CYRIA: variants seen among roughly 807,000 people sequenced by gnomAD.
The protein encoded by CYRIA is CYFIP related Rac1 interactor A, also known as CYFIP-related Rac1 interactor A.
A neutral mutation model predicts 43.9 loss-of-function variants in CYRIA; 15 were observed. That is an observed-to-expected ratio of 0.34 (90% CI 0.23 to 0.53). The LOEUF (loss-of-function observed/expected upper bound fraction) is 0.53. Ranked by LOEUF, CYRIA falls within the 20% of genes least tolerant of loss-of-function variation. The pLI is 0.94. For synonymous variants in CYRIA, 117 were observed against 136.0 expected (o/e 0.86, Z 0.97); for missense variants, 236 against 394.2 (o/e 0.60, Z 3.40).
At chr2:16,624,811 G>A (rs1669106790) in intron 1 of CYRIA, among the ~76,000 whole-genome samples, 1 of 152,176 alleles carries the variant, frequency 6.6e-6, no homozygotes, top group African/African-American at 2.4e-5. Flanking sequence ...GGCATACCAT[G>A]AGAATTGTAT....
intron 2 of CYRIA, among the ~76,000 whole-genome samples, chr2:16,615,253 C>T (rs1668740032): frequency 6.6e-6 from 1 of 152,210 alleles, no homozygotes; most frequent in Non-Finnish European, 1.5e-5. Flanking sequence ...TTGAGAACCA[C>T]TGCACTTGAC....
At chr2:16,651,369 T>C (rs755173792) in intron 1 of CYRIA, among the ~76,000 whole-genome samples, 2 of 152,256 alleles carry the variant, frequency 1.3e-5, no homozygotes, top group African/African-American at 2.4e-5. Context: ...TGCATGTTTG[T>C]AAAGCACCGC....
chr2:16,662,139 C>CA (rs1670274131), intron 1 of CYRIA, among the ~76,000 whole-genome samples: 1 of 151,982 alleles, frequency 6.6e-6, no homozygotes, highest in South Asian at 2.1e-4. Context: ...ATCTAGTGAG[C>CA]AATAATTTGA....
intron 1 of CYRIA, among the ~76,000 whole-genome samples, chr2:16,642,622 T>G (rs1019392605): frequency 2.9e-4 from 44 of 150,356 alleles, no homozygotes. Flanking sequence ...GCAGCACCCT[T>G]CATCAGACTC....
Position 16,593,444 on chromosome 2 carries a change from A to T in CYRIA, c.-10-5315T>A, listed in dbSNP as rs145511332. ...ATTATTAGAGATTGGAAAACTAAGA[A>T]TTATTAAAATTCAGTGTAGAAGCTG... On this transcript the variant is annotated intron_variant, in intron 2 of 11. Coordinates refer to ENST00000381323, the MANE Select transcript of CYRIA (RefSeq NM_030797.4). Among the ~76,000 whole-genome samples the T allele has an allele frequency of 4.9e-3, 752 of 152,286 alleles. 11 individuals carry two copies. Among genetic ancestry groups the T allele is most frequent in the African/African-American group, 0.017 (719 of 41,556 alleles).
chr2:16,638,688 G>A (rs1669577643), intron 1 of CYRIA, among the ~76,000 whole-genome samples: 1 of 152,172 alleles, frequency 6.6e-6, no homozygotes, highest in South Asian at 2.1e-4. Flanking sequence ...ACTTGTAAAG[G>A]AATCTGCATT....
intron 3 of CYRIA, among the ~76,000 whole-genome samples, chr2:16,586,591 C>T (rs1363692567): frequency 6.7e-6 from 1 of 150,298 alleles, no homozygotes; most frequent in African/African-American, 2.5e-5. Context: ...TCAGAACATA[C>T]AAGCTTTGGG....
At chr2:16,566,090 G>A (rs1666922842) in intron 3 of CYRIA, among the ~76,000 whole-genome samples, 1 of 152,084 alleles carries the variant, frequency 6.6e-6, no homozygotes, top group Admixed American at 6.5e-5. Flanking sequence ...GAAAAAATAA[G>A]CATTGTCTTT....
intron 2 of CYRIA, among the ~76,000 whole-genome samples, chr2:16,609,388 A>G (rs1668516531): frequency 6.6e-6 from 1 of 152,120 alleles, no homozygotes; most frequent in South Asian, 2.1e-4. Context: ...CAACATCTCA[A>G]TTGTAACATG....
intron 3 of CYRIA, among the ~76,000 whole-genome samples, chr2:16,585,815 A>G (rs1409933871): frequency 2.0e-5 from 3 of 152,104 alleles, no homozygotes; most frequent in African/African-American, 4.8e-5. Context: ...ACGTCCCCCT[A>G]TGTGCTATGG....
At chr2:16,601,441 A>AT (rs577984459) in intron 2 of CYRIA, among the ~76,000 whole-genome samples, 1 of 151,958 alleles carries the variant, frequency 6.6e-6, no homozygotes, top group Non-Finnish European at 1.5e-5. Flanking sequence ...AGGTTATTCA[A>AT]TTTTTTTCCC....
chr2:16,632,890 T>C (rs997420634), intron 1 of CYRIA, among the ~76,000 whole-genome samples: 6 of 152,140 alleles, frequency 3.9e-5, no homozygotes, highest in African/African-American at 1.2e-4. Context: ...GTATTCAGCA[T>C]TGCATTCGTC....
intron 1 of CYRIA, among the ~76,000 whole-genome samples, chr2:16,663,824 A>G (rs1017970105): frequency 6.6e-6 from 1 of 152,074 alleles, no homozygotes; most frequent in African/African-American, 2.4e-5. Flanking sequence ...CACCTTCTAA[A>G]GAGCCTCCTA....
At chr2:16,582,893 G>A (rs1397981585) in intron 3 of CYRIA, among the ~76,000 whole-genome samples, 1 of 152,146 alleles carries the variant, frequency 6.6e-6, no homozygotes, top group Admixed American at 6.6e-5. Context: ...GGAATAGCTG[G>A]ATCATATGGT....
At chr2:16,619,610 C>G (rs2103504336) in intron 2 of CYRIA, among the ~76,000 whole-genome samples, 1 of 152,304 alleles carries the variant, frequency 6.6e-6, no homozygotes, top group African/African-American at 2.4e-5. Flanking sequence ...TACTTCTTTT[C>G]TTGGTCCCCT....
chr2:16,609,420 C>T (rs985707248), intron 2 of CYRIA, among the ~76,000 whole-genome samples: 2 of 152,178 alleles, frequency 1.3e-5, no homozygotes, highest in East Asian at 1.9e-4. Flanking sequence ...AGACCCTGGG[C>T]ATGTCATCTC....
intron 5 of CYRIA, 118 bp from the exon 6 acceptor site, chr2:16,562,259 T>C (rs1666764985): frequency 9.0e-7 from 1 of 1,110,044 alleles, no homozygotes; most frequent in Admixed American, 2.6e-5. Context: ...TCTCTCCCGA[T>C]AACTACGTGA....
intron 6 of CYRIA, 116 bp from the exon 7 acceptor site, chr2:16,561,649 TAA>T (rs1666738242): frequency 1.3e-6 from 1 of 799,772 alleles, no homozygotes; most frequent in Non-Finnish European, 2.0e-6. Flanking sequence ...CTTTGTTACA[TAA>T]GAGTCAAAGC....
chr2:16,630,845 C>A (rs1451427755), intron 1 of CYRIA, among the ~76,000 whole-genome samples: 1 of 152,194 alleles, frequency 6.6e-6, no homozygotes, highest in East Asian at 1.9e-4. Context: ...AGGAGCATCA[C>A]CATTAGGGAG....
Sources: gnomAD v4.1 joint callset for allele counts (sites outside exome capture counted in the v4.1 genomes callset) on GRCh38, gnomAD v4.1.1 for gene constraint, MANE v1.5 for transcripts, NCBI Gene and HGNC (gene_info 2026-07-23, HGNC 2026-07-21) for gene names.